Variants in RELCH observed in about 807,000 individuals in gnomAD.
RELCH encodes the protein RAB11-binding protein RELCH.
A neutral mutation model predicts 150.3 loss-of-function variants in RELCH; 41 were observed. That is an observed-to-expected ratio of 0.27 (90% CI 0.21 to 0.35). The LOEUF is 0.35. Among genes scored for constraint, RELCH ranks in the 10% least tolerant of loss-of-function variants. The pLI, the probability that RELCH is intolerant of heterozygous loss-of-function variation, is 1.00. For missense variants in RELCH, 1,092 were observed against 1,467.8 expected (o/e 0.74, Z 4.18); for synonymous variants, 478 against 531.8 (o/e 0.90, Z 1.39).
intron 1 of RELCH, among the ~76,000 whole-genome samples, chr18:62,201,175 G>A (rs1020359646): frequency 4.6e-5 from 7 of 151,462 alleles, no homozygotes; most frequent in Admixed American, 1.3e-4. Context: ...GAGTTTCACC[G>A]TTTCAGCCAG....
chr18:62,233,003 C>A (rs779457330), intron 10 of RELCH, among the ~76,000 whole-genome samples: 5 of 151,772 alleles, frequency 3.3e-5, no homozygotes, highest in Non-Finnish European at 7.4e-5. Context: ...TTGCAGTTAA[C>A]CGGTTATTGA....
chr18:62,237,256 T>G (rs2041922389), intron 10 of RELCH, among the ~76,000 whole-genome samples: 1 of 151,822 alleles, frequency 6.6e-6, no homozygotes, highest in South Asian at 2.1e-4. Context: ...GAATATATAT[T>G]CTGCTGATGT....
At chr18:62,241,280 C>G (rs1217556778) in intron 10 of RELCH, among the ~76,000 whole-genome samples, 1 of 152,116 alleles carries the variant, frequency 6.6e-6, no homozygotes, top group Non-Finnish European at 1.5e-5. Flanking sequence ...CCACTCAGAG[C>G]AACACCAGCC....
rs73462446 is a variant in RELCH, at chr18:62,261,814, C to T, written c.2350+156C>T. On this transcript the variant is annotated intron_variant, in intron 16 of 28. Coordinates refer to ENST00000644646, the MANE Select transcript of RELCH (RefSeq NM_001346231.2). The stretch of plus-strand genomic sequence containing the variant: ...AGAATCTCATGGTCATAAGATTATA[C>T]GTATGGTAAACAATATGGCTTCATC... 8.2e-3 allele frequency among the ~76,000 whole-genome samples: 1,240 copies of T among 151,164 alleles called. 18 individuals carry two copies. The highest frequency in any genetic ancestry group is 0.053 in the East Asian group (267 of 5,036).
At chr18:62,286,992 C>CGTTA (rs2044838334) in intron 25 of RELCH, among the ~76,000 whole-genome samples, 1 of 152,000 alleles carries the variant, frequency 6.6e-6, no homozygotes, top group South Asian at 2.1e-4. Flanking sequence ...TATGGAGAAA[C>CGTTA]TTAACTGCAA....
intron 10 of RELCH, among the ~76,000 whole-genome samples, chr18:62,243,792 C>T (rs1490442540): frequency 6.6e-6 from 1 of 151,974 alleles, no homozygotes; most frequent in Non-Finnish European, 1.5e-5. Context: ...TGCATTATTA[C>T]AATAGTGATC....
rs528043226 is a variant in RELCH, at chr18:62,198,819, A to T, written c.526+10788A>T. On this transcript the variant is annotated intron_variant, in intron 1 of 28. Transcript: ENST00000644646. ...GCAAAAAAATATATATTACAGAAAA[A>T]ATTTATAAACCTCACTAGGAATTTT... Among the ~76,000 whole-genome samples, 3 of 152,168 alleles carry T rather than the reference A, an allele frequency of 2.0e-5. No individual in the cohort carries two copies. The South Asian group carries it at 6.2e-4, about 32-fold the overall frequency.
chr18:62,277,912 A>G (rs1002738189), intron 22 of RELCH: 1 of 902,758 alleles, frequency 1.1e-6, no homozygotes, highest in Non-Finnish European at 1.3e-6. Context: ...AGCACAACTC[A>G]AAGAGGTCAT....
intron 1 of RELCH, among the ~76,000 whole-genome samples, chr18:62,208,651 C>T (rs2039968462): frequency 6.6e-6 from 1 of 152,076 alleles, no homozygotes; most frequent in Non-Finnish European, 1.5e-5. Context: ...TGCTCCTCTC[C>T]CTCCTTCCAC....
chr18:62,248,974 A>T (rs1297228496), intron 11 of RELCH, among the ~76,000 whole-genome samples: 1 of 152,230 alleles, frequency 6.6e-6, no homozygotes, highest in Non-Finnish European at 1.5e-5. Context: ...AGGGACTTGA[A>T]CAAAGCATCC....
chr18:62,253,724 A>C (rs1402135725), intron 12 of RELCH, among the ~76,000 whole-genome samples: 3 of 152,190 alleles, frequency 2.0e-5, no homozygotes, highest in Non-Finnish European at 1.5e-5. Context: ...TTCAATAGAC[A>C]AAGTAAACAT....
intron 1 of RELCH, among the ~76,000 whole-genome samples, chr18:62,205,780 T>C (rs2039739775): frequency 6.6e-6 from 1 of 152,218 alleles, no homozygotes; most frequent in Non-Finnish European, 1.5e-5. Flanking sequence ...ATCCCAGCAC[T>C]TTGGGAGGCC....
chr18:62,302,570 G>C (rs2045710882), intron 28 of RELCH, among the ~76,000 whole-genome samples: 1 of 152,118 alleles, frequency 6.6e-6, no homozygotes, highest in Admixed American at 6.5e-5. Context: ...TCCCAGGCTG[G>C]AGTGCAGTGG....
At chr18:62,226,419 G>T (rs73458506) in intron 5 of RELCH, among the ~76,000 whole-genome samples, 15,228 of 151,980 alleles carry the variant, frequency 0.1, 900 homozygotes, top group East Asian at 0.19. Flanking sequence ...AGAAGTATTT[G>T]TAATAATATG....
At chr18:62,267,598 A>T (rs1317407139) in intron 19 of RELCH, among the ~76,000 whole-genome samples, 1 of 151,330 alleles carries the variant, frequency 6.6e-6, no homozygotes, top group Non-Finnish European at 1.5e-5. Context: ...AGTCCTCAGA[A>T]GTAGTCAGAA....
intron 28 of RELCH, among the ~76,000 whole-genome samples, chr18:62,302,314 T>C (rs1043648177): frequency 6.6e-6 from 1 of 152,146 alleles, no homozygotes; most frequent in Non-Finnish European, 1.5e-5. Flanking sequence ...TAAGAACCAT[T>C]AGCAGCATAT....
chr18:62,214,622 T>C (rs1032677307), intron 2 of RELCH, among the ~76,000 whole-genome samples: 8 of 152,102 alleles, frequency 5.3e-5, no homozygotes, highest in Admixed American at 1.3e-4. Context: ...GGCTTCCCAA[T>C]ACATTGTTTG....
At chr18:62,269,263 G>A (rs1205687440) in intron 20 of RELCH, 6 of 252,424 alleles carry the variant, frequency 2.4e-5, no homozygotes, top group East Asian at 1.1e-4. Context: ...GAACACATAC[G>A]TTAGGTGAAC....
intron 13 of RELCH, among the ~76,000 whole-genome samples, chr18:62,256,911 T>G (rs1396100925): frequency 1.3e-5 from 2 of 152,112 alleles, no homozygotes; most frequent in African/African-American, 4.8e-5. Flanking sequence ...TAAATGAGGC[T>G]GTACCAAAAG....
Sources: gnomAD v4.1 joint callset for allele counts (sites outside exome capture counted in the v4.1 genomes callset) on GRCh38, gnomAD v4.1.1 for gene constraint, MANE v1.5 for transcripts, NCBI Gene and HGNC (gene_info 2026-07-23, HGNC 2026-07-21) for gene names.